CYTH3: variants seen among roughly 807,000 people sequenced by gnomAD.
The protein encoded by CYTH3 is cytohesin-3.
In CYTH3, 23 loss-of-function variants were observed where a neutral mutation model predicts 55.1. That is an observed-to-expected ratio of 0.42 (90% CI 0.30 to 0.59). The LOEUF (loss-of-function observed/expected upper bound fraction) is 0.59. CYTH3 is among the 20% of genes least tolerant of loss of function. The pLI, the probability that CYTH3 is intolerant of heterozygous loss-of-function variation, is 0.20. For missense variants in CYTH3, 413 were observed against 524.8 expected (o/e 0.79, Z 2.08); for synonymous variants, 249 against 194.9 (o/e 1.28, Z -2.31).
At chr7:6,272,373 T>C (rs1471935379) in intron 1 of CYTH3, 101 bp downstream of exon 1, 4 of 1,099,340 alleles carry the variant, frequency 3.6e-6, no homozygotes, top group South Asian at 3.1e-5. Context: ...CCCGACCCCG[T>C]CTCCTCCGGC....
intron 2 of CYTH3, chr7:6,188,732 C>T (rs1783722240): frequency 6.6e-6 from 1 of 152,190 alleles, no homozygotes; most frequent in Admixed American, 6.5e-5. Flanking sequence ...TTCCCTGGGC[C>T]TCAGTGTGCT....
At chr7:6,244,876 C>T (rs778325768) in intron 1 of CYTH3, among the ~76,000 whole-genome samples, 1 of 150,896 alleles carries the variant, frequency 6.6e-6, no homozygotes, top group South Asian at 2.1e-4. Context: ...GCAACCTCTG[C>T]CTCCCGGGTT....
In CYTH3 at chr7:6,163,321, G is replaced by A. The variant is rs1259094383; in HGVS notation, c.*1623C>T. 6.6e-6 allele frequency: 1 copy of A among 152,306 alleles called. No individual in the cohort carries two copies. The highest frequency in any genetic ancestry group is 2.4e-5 in the African/African-American group (1 of 41,468). The allele number at this position is 152,306 out of a possible 1,614,324, so 9.4% of individuals were successfully genotyped here. On this transcript the variant is annotated 3_prime_UTR_variant, in exon 13 of 13. Transcript: ENST00000350796. ...GTTTTGTCTCTGGACTGGGCATTTT[G>A]CACAGGAGTACAGATGCCCTCCAGA... is the stretch of plus-strand genomic sequence containing the variant.
intron 2 of CYTH3, 104 bp downstream of exon 2, chr7:6,190,345 G>GT: frequency 1.1e-6 from 1 of 876,180 alleles, no homozygotes; most frequent in South Asian, 1.9e-5. Flanking sequence ...TTTGTTTTTG[G>GT]GTTTTTTTTT....
At chr7:6,203,946 T>C (rs1349119765) in intron 1 of CYTH3, among the ~76,000 whole-genome samples, 1 of 152,006 alleles carries the variant, frequency 6.6e-6, no homozygotes, top group Non-Finnish European at 1.5e-5. Context: ...CTTGATCTCC[T>C]GACCTCGTGA....
At chr7:6,207,086 C>CTTTTTTT (rs58910123) in intron 1 of CYTH3, among the ~76,000 whole-genome samples, 2 of 104,052 alleles carry the variant, frequency 1.9e-5, no homozygotes, top group Non-Finnish European at 3.6e-5. Context: ...AAATGTGCAA[C>CTTTTTTT]TTTTTTTTTT....
At chr7:6,272,410 G>GGGGGGGC in intron 1 of CYTH3, 64 bp downstream of exon 1, 2 of 1,216,616 alleles carry the variant, frequency 1.6e-6, no homozygotes, top group African/African-American at 1.6e-5. Context: ...CCGCGCCCTC[G>GGGGGGGC]ACCCCCAGCC....
In CYTH3 at chr7:6,162,884, G is replaced by C. The variant is rs887156640; in HGVS notation, c.*2060C>G. 6.5e-6 allele frequency: 1 copy of C among 152,696 alleles called. No individual in the cohort carries two copies. The highest frequency in any genetic ancestry group is 2.4e-5 in the African/African-American group (1 of 41,474). 9.5% of individuals were successfully genotyped at this position (152,696 alleles called of 1,614,324 possible). ...CGAGCACAACATGCTGACAGAGCTGGCTGTGGCCAGTCTTGGGTGCCGGGC... is the reference window on the plus strand; with the variant it reads ...CGAGCACAACATGCTGACAGAGCTGCCTGTGGCCAGTCTTGGGTGCCGGGC... On this transcript the variant is annotated 3_prime_UTR_variant, in exon 13 of 13. Transcript: ENST00000350796.
chr7:6,210,517 T>G (rs571267329), intron 1 of CYTH3, among the ~76,000 whole-genome samples: 1 of 152,306 alleles, frequency 6.6e-6, no homozygotes, highest in African/African-American at 2.4e-5. Flanking sequence ...TTCATTGAAG[T>G]TTTTTCAAAA....
In CYTH3 at chr7:6,175,038, C is replaced by G. The variant is rs17136061; in HGVS notation, c.369-1305G>C. On this transcript the variant is annotated intron_variant, in intron 5 of 12. Transcript: ENST00000350796. ...AGAAGTCCTTAGGAGATTACAAGGACTGAATCAGTATGATAACTGGTCCTT... is the reference window on the plus strand; with the variant it reads ...AGAAGTCCTTAGGAGATTACAAGGAGTGAATCAGTATGATAACTGGTCCTT... 2.1e-3 allele frequency among the ~76,000 whole-genome samples: 319 copies of G among 152,270 alleles called. 1 individual carries two copies. The highest frequency in any genetic ancestry group is 7.0e-3 in the African/African-American group (289 of 41,546).
chr7:6,203,589 T>C (rs954678644), intron 1 of CYTH3, among the ~76,000 whole-genome samples: 2 of 152,250 alleles, frequency 1.3e-5, no homozygotes, highest in South Asian at 2.1e-4. Flanking sequence ...GTGTCACTAA[T>C]GCCTTCGATG....
intron 1 of CYTH3, among the ~76,000 whole-genome samples, chr7:6,266,132 C>G (rs1368793389): frequency 6.6e-6 from 1 of 152,102 alleles, no homozygotes; most frequent in Non-Finnish European, 1.5e-5. Flanking sequence ...CTCACCTGAA[C>G]CACTGCAACA....
chr7:6,217,183 A>C (rs56295477), intron 1 of CYTH3, among the ~76,000 whole-genome samples: 9,985 of 152,250 alleles, frequency 0.066, 756 homozygotes, highest in African/African-American at 0.19. Flanking sequence ...CAAAGTGCCA[A>C]GATTACGGGC....
chr7:6,186,027 G>T (rs1362956427), intron 4 of CYTH3, among the ~76,000 whole-genome samples: 1 of 151,378 alleles, frequency 6.6e-6, no homozygotes, highest in African/African-American at 2.4e-5. Flanking sequence ...GGCGGATCAT[G>T]AGGTCAGGAG....
intron 1 of CYTH3, among the ~76,000 whole-genome samples, chr7:6,259,772 T>TATAA (rs1491219669): frequency 6.2e-4 from 19 of 30,498 alleles, no homozygotes; most frequent in South Asian, 6.2e-3. Context: ...TATATATATA[T>TATAA]TATATATATA....
At chr7:6,196,897 G>A (rs1425907146) in intron 1 of CYTH3, among the ~76,000 whole-genome samples, 1 of 152,194 alleles carries the variant, frequency 6.6e-6, no homozygotes, top group Non-Finnish European at 1.5e-5. Context: ...ATTTTCTTCT[G>A]CTGAGCTCTC....
At position 6,171,176 on chromosome 7, in the gene CYTH3, G is replaced by A. The variant is rs1193638810; in HGVS notation, c.562+26C>T. On this transcript the variant is annotated intron_variant, in intron 7 of 12. Coordinates refer to ENST00000350796, the MANE Select transcript of CYTH3 (RefSeq NM_004227.4). The surrounding 1 kb of genome is among the most constrained non-coding windows in gnomAD (Gnocchi z 6.7). Reference sequence around the variant, plus strand: ...GAGCTGGAGGCTGTGCCTGGCAAGGGGCCAGGCTGTGGGCTCTGCACTGAC... The same window carrying A: ...GAGCTGGAGGCTGTGCCTGGCAAGGAGCCAGGCTGTGGGCTCTGCACTGAC... 7 of 1,610,172 alleles carry A rather than the reference G, an allele frequency of 4.3e-6. No individual in the cohort carries two copies. Among genetic ancestry groups the A allele is most frequent in the Non-Finnish European group, 5.1e-6 (6 of 1,176,570 alleles).
intron 1 of CYTH3, among the ~76,000 whole-genome samples, chr7:6,235,945 A>G (rs1415682201): frequency 1.3e-5 from 2 of 152,230 alleles, no homozygotes; most frequent in African/African-American, 4.8e-5. Flanking sequence ...TTATTTTGAA[A>G]TGTTTATATT....
intron 6 of CYTH3, chr7:6,172,921 C>A: frequency 1.7e-6 from 2 of 1,192,046 alleles, no homozygotes; most frequent in Non-Finnish European, 2.1e-6. Flanking sequence ...TGAGGTAAGG[C>A]CATGAGCAAA....
Sources: gnomAD v4.1 joint callset for allele counts (sites outside exome capture counted in the v4.1 genomes callset) on GRCh38, gnomAD v4.1.1 for gene constraint, Gnocchi (gnomAD v3.1) non-coding constraint, MANE v1.5 for transcripts, NCBI Gene and HGNC (gene_info 2026-07-23, HGNC 2026-07-21) for gene names.